The following INSL6 variants were observed in gnomAD, a reference collection of about 807,000 sequenced individuals.
The protein encoded by INSL6 is insulin-like peptide INSL6.
A neutral mutation model predicts 9.4 loss-of-function variants in INSL6; 16 were observed. That is an observed-to-expected ratio of 1.70 (90% CI 1.15 to 2.59). The LOEUF (loss-of-function observed/expected upper bound fraction) is 2.59. Ranked by LOEUF, INSL6 falls within the 30% of genes most tolerant of loss-of-function variation. INSL6 has a pLI of 0.00. For synonymous variants in INSL6, 154 were observed against 96.9 expected (o/e 1.59, Z -3.46); for missense variants, 391 against 257.3 (o/e 1.52, Z -3.56).
the INSL6 span, among the ~76,000 whole-genome samples, chr9:5,009,206 G>C: frequency 6.6e-6 from 1 of 152,076 alleles, no homozygotes; most frequent in East Asian, 1.9e-4. Context: ...GACATCAGCA[G>C]GTGTTAAACA....
At chr9:5,043,153 C>A in the INSL6 span, among the ~76,000 whole-genome samples, 2 of 152,228 alleles carry the variant, frequency 1.3e-5, no homozygotes, top group Non-Finnish European at 2.9e-5. Flanking sequence ...GCAGGGGGGT[C>A]TGCGGGCGGC....
chr9:5,006,720 C>T, the INSL6 span, among the ~76,000 whole-genome samples: 5 of 152,286 alleles, frequency 3.3e-5, no homozygotes, highest in East Asian at 1.9e-4. Context: ...ACTAGCAAAG[C>T]GTAAATCCAT....
the INSL6 span, among the ~76,000 whole-genome samples, chr9:4,999,296 A>C: frequency 6.6e-6 from 1 of 152,192 alleles, no homozygotes; most frequent in Non-Finnish European, 1.5e-5. Context: ...TCTTAAGTGA[A>C]AGAATCATGA....
the INSL6 span, among the ~76,000 whole-genome samples, chr9:5,052,156 C>G: frequency 1.3e-5 from 2 of 152,014 alleles, no homozygotes; most frequent in African/African-American, 4.8e-5. Context: ...AAATATGAAG[C>G]CATCTCTAGA....
At chr9:5,085,265 C>A in the INSL6 span, 119 of 687,586 alleles carry the variant, frequency 1.7e-4, 2 homozygotes, top group Admixed American at 2.1e-3. Context: ...AGATTCACAT[C>A]AGCTGATGTT....
intron 2 of INSL6, among the ~76,000 whole-genome samples, chr9:5,153,638 C>A (rs952899713): frequency 3.3e-5 from 5 of 152,316 alleles, no homozygotes; most frequent in Admixed American, 3.3e-4. Flanking sequence ...TCTCAGGATA[C>A]AAAATCAATG....
intron 1 of INSL6, among the ~76,000 whole-genome samples, chr9:5,172,123 T>C (rs1044882733): frequency 4.6e-5 from 7 of 152,202 alleles, no homozygotes; most frequent in Non-Finnish European, 1.0e-4. Context: ...AGCATGGTAC[T>C]GTTACAAAAA....
chr9:5,164,251 C>G lies in INSL6; in HGVS notation c.304G>C (p.Glu102Gln), dbSNP rs997608073. Reference sequence around the variant, plus strand: ...ATTTCCCAACTGTTTACTGCTTCTTCCCAAGAAGTAGACACTGTTGAGAGA... The same window carrying G: ...ATTTCCCAACTGTTTACTGCTTCTTGCCAAGAAGTAGACACTGTTGAGAGA... The part of the protein sequence containing the change: ...RGTNPVSTSW[E>Q]EAVNSWEMQS... The change falls in exon 2 of 2, where the codon GAA becomes CAA. Residue 102 changes from glutamate to glutamine, a missense_variant. By Grantham distance (29) the Glu-to-Gln change is conservative (BLOSUM62 2). Transcript: ENST00000381641. 1 of 1,601,444 alleles carries G rather than the reference C, an allele frequency of 6.2e-7. No individual in the cohort carries two copies. Among genetic ancestry groups the G allele is most frequent in the African/African-American group, 1.3e-5 (1 of 74,466 alleles).
the INSL6 span, among the ~76,000 whole-genome samples, chr9:5,046,311 C>T: frequency 7.9e-5 from 12 of 152,210 alleles, no homozygotes; most frequent in South Asian, 2.5e-3. Context: ...GATCTTAACT[C>T]CTTATAAGAT....
chr9:5,032,878 G>A, the INSL6 span, among the ~76,000 whole-genome samples: 6 of 152,160 alleles, frequency 3.9e-5, no homozygotes, highest in Admixed American at 1.3e-4. Flanking sequence ...TACCAGCAAC[G>A]GAACAAAGCC....
At chr9:5,092,976 C>T in the INSL6 span, among the ~76,000 whole-genome samples, 9 of 152,108 alleles carry the variant, frequency 5.9e-5, no homozygotes, top group Non-Finnish European at 1.2e-4. Flanking sequence ...CAAAAGCAGC[C>T]AACAATTAAG....
chr9:4,992,776 T>A, the INSL6 span, among the ~76,000 whole-genome samples: 1 of 152,218 alleles, frequency 6.6e-6, no homozygotes, highest in Admixed American at 6.5e-5. Context: ...ACAGGTTATC[T>A]GCAGTAGACA....
At chr9:5,056,775 T>A in the INSL6 span, among the ~76,000 whole-genome samples, 1 of 152,180 alleles carries the variant, frequency 6.6e-6, no homozygotes, top group Non-Finnish European at 1.5e-5. Context: ...AGTTTATTGA[T>A]CTTAATGTGA....
the INSL6 span, among the ~76,000 whole-genome samples, chr9:5,057,455 A>C: frequency 6.6e-6 from 1 of 152,102 alleles, no homozygotes; most frequent in Non-Finnish European, 1.5e-5. Context: ...AGTAGTGTTA[A>C]GTATATTCAC....
the INSL6 span, among the ~76,000 whole-genome samples, chr9:5,023,688 G>A: frequency 1.3e-5 from 2 of 152,082 alleles, no homozygotes; most frequent in African/African-American, 4.8e-5. Context: ...CTCCTTCCTT[G>A]CTTTTCTGTT....
At chr9:5,150,932 CATGGGTGGAACT>C (rs1824701055) in intron 2 of INSL6, among the ~76,000 whole-genome samples, 1 of 151,790 alleles carries the variant, frequency 6.6e-6, no homozygotes, top group Non-Finnish European at 1.5e-5. Flanking sequence ...TTTGCAGCAA[CATGGGTGGAACT>C]GGAGGCTATT....
the INSL6 span, among the ~76,000 whole-genome samples, chr9:5,014,105 G>A: frequency 6.6e-6 from 1 of 151,046 alleles, no homozygotes; most frequent in Non-Finnish European, 1.5e-5. Flanking sequence ...TTGAGGTACT[G>A]GTTTTTGAGT....
chr9:5,080,491 C>T, the INSL6 span: 2 of 1,548,758 alleles, frequency 1.3e-6, no homozygotes, highest in African/African-American at 1.4e-5. Flanking sequence ...GTTGGTGTGG[C>T]ATTACACAAT....
At chr9:5,062,787 C>G in the INSL6 span, among the ~76,000 whole-genome samples, 1 of 152,010 alleles carries the variant, frequency 6.6e-6, no homozygotes, top group Non-Finnish European at 1.5e-5. Flanking sequence ...TAATGCTGTC[C>G]TGTTATATTT....
Sources: gnomAD v4.1 joint callset for allele counts (sites outside exome capture counted in the v4.1 genomes callset) on GRCh38, gnomAD v4.1.1 for gene constraint, MANE v1.5 for transcripts, NCBI Gene and HGNC (gene_info 2026-07-23, HGNC 2026-07-21) for gene names.